Variants in RIMS1 observed in about 807,000 individuals in gnomAD.
The protein encoded by RIMS1 is regulating synaptic membrane exocytosis 1, also known as regulating synaptic membrane exocytosis protein 1.
Under a neutral mutation model 214.1 loss-of-function variants are expected in RIMS1, and 83 were observed. The observed-to-expected ratio is 0.39, with a 90% CI of 0.32 to 0.47. The LOEUF (loss-of-function observed/expected upper bound fraction) is 0.47. Among genes scored for constraint, RIMS1 ranks in the 20% least tolerant of loss-of-function variants. RIMS1 has a pLI of 0.99. For synonymous variants in RIMS1, 793 were observed against 786.8 expected (o/e 1.01, Z -0.13); for missense variants, 2,050 against 2,161.8 (o/e 0.95, Z 1.03).
chr6:72,333,502 A>G (rs986951542), intron 28 of RIMS1, 98 bp from the exon 29 acceptor site: 8 of 991,528 alleles, frequency 8.1e-6, no homozygotes, highest in Non-Finnish European at 1.1e-5. Flanking sequence ...CTCCCTAAAA[A>G]TGTGTCTGGA....
In RIMS1 at chr6:72,182,987, T is replaced by C. The variant is rs890931277; in HGVS notation, c.1516T>C (p.Ser506Pro). ...GAACGACTCTTTGAGCTCAGACCAG[T>C]CCGAGTCGGTGCGGCCGTCCCCGCC... is the stretch of plus-strand genomic sequence containing the variant. Reference protein sequence around the residue: ...LRNDSLSSDQSESVRPSPPKP... With the variant: ...LRNDSLSSDQPESVRPSPPKP... The change falls in exon 6 of 34, where the codon TCC becomes CCC. Residue 506 changes from serine to proline, a missense_variant. Physicochemically the swap from Ser to Pro is moderately conservative, Grantham distance 74 (BLOSUM62 -1). Coordinates refer to ENST00000521978, the MANE Select transcript of RIMS1 (RefSeq NM_014989.7). 1 of 1,593,442 alleles carries C rather than the reference T, an allele frequency of 6.3e-7. No homozygotes were observed. Among genetic ancestry groups the C allele is most frequent in the African/African-American group, 1.3e-5 (1 of 74,430 alleles).
At chr6:72,038,907 TGTACAATGATTGTTTTAA>T (rs1279780790) in intron 2 of RIMS1, among the ~76,000 whole-genome samples, 21 of 152,138 alleles carry the variant, frequency 1.4e-4, no homozygotes, top group African/African-American at 5.1e-4. Context: ...AGAGTCTTCT[TGTACAATGATTGTTTTAA>T]AGTATCTCCC....
intron 23 of RIMS1, among the ~76,000 whole-genome samples, chr6:72,280,057 A>G (rs2089280803): frequency 6.6e-6 from 1 of 151,852 alleles, no homozygotes; most frequent in Non-Finnish European, 1.5e-5. Context: ...TTTTAAATTT[A>G]TTTCATTTGA....
intron 1 of RIMS1, among the ~76,000 whole-genome samples, chr6:71,927,314 A>G (rs919612157): frequency 1.3e-5 from 2 of 152,108 alleles, no homozygotes; most frequent in African/African-American, 4.8e-5. Flanking sequence ...CTGATTCACA[A>G]TTTTCTTACT....
chr6:71,951,948 G>T (rs186457165), intron 1 of RIMS1, among the ~76,000 whole-genome samples: 1 of 152,180 alleles, frequency 6.6e-6, no homozygotes, highest in East Asian at 1.9e-4. Flanking sequence ...GTGAAAATTG[G>T]ACAATTGAAT....
Position 72,397,443 on chromosome 6 carries a change from A to G in RIMS1, c.4619-806A>G, listed in dbSNP as rs1053778703. Among the ~76,000 whole-genome samples the G allele has an allele frequency of 6.6e-5, 10 of 152,324 alleles. No individual in the cohort carries two copies. In the South Asian group the frequency reaches 1.9e-3, roughly 28 times the overall value. On this transcript the variant is annotated intron_variant, in intron 31 of 33. Coordinates refer to ENST00000521978, the MANE Select transcript of RIMS1 (RefSeq NM_014989.7). ...GATATTAGACATATTGCTAATACCA[A>G]TGTTAGAGTGTGGGAAGCAGGAAGA...
intron 2 of RIMS1, among the ~76,000 whole-genome samples, chr6:72,026,796 C>A (rs1816659058): frequency 6.6e-6 from 1 of 152,084 alleles, no homozygotes; most frequent in South Asian, 2.1e-4. Context: ...CTTGTATCAC[C>A]ATTTTATAAG....
chr6:72,207,778 A>C (rs72937888), intron 6 of RIMS1, among the ~76,000 whole-genome samples: 28,632 of 150,156 alleles, frequency 0.19, 3,186 homozygotes, highest in Non-Finnish European at 0.24. Context: ...AACAAACAAA[A>C]AAATTCTCCC....
chr6:71,896,865 A>G (rs1210474355), intron 1 of RIMS1, among the ~76,000 whole-genome samples: 1 of 152,032 alleles, frequency 6.6e-6, no homozygotes, highest in Non-Finnish European at 1.5e-5. Flanking sequence ...CTCCCATTTT[A>G]TATGCAGTTC....
intron 1 of RIMS1, among the ~76,000 whole-genome samples, chr6:71,916,741 C>T (rs749565514): frequency 4.6e-5 from 7 of 152,140 alleles, no homozygotes; most frequent in Non-Finnish European, 1.0e-4. Context: ...AGACTTGATT[C>T]ATAGGCAGAC....
chr6:71,953,827 G>T (rs1790376975), intron 1 of RIMS1, among the ~76,000 whole-genome samples: 1 of 152,176 alleles, frequency 6.6e-6, no homozygotes, highest in South Asian at 2.1e-4. Flanking sequence ...CCACTGAGTT[G>T]CAACAGCTCT....
intron 18 of RIMS1, among the ~76,000 whole-genome samples, chr6:72,260,141 A>G (rs2154158792): frequency 6.6e-6 from 1 of 152,240 alleles, no homozygotes; most frequent in South Asian, 2.1e-4. Context: ...GGGAAAACAC[A>G]GGGCTACTTG....
intron 29 of RIMS1, among the ~76,000 whole-genome samples, chr6:72,346,805 C>T (rs139021783): frequency 1.2e-4 from 18 of 151,846 alleles, no homozygotes; most frequent in African/African-American, 4.3e-4. Flanking sequence ...TATTGAAATA[C>T]AGCCATCTTC....
chr6:72,231,206 G>A (rs1277255107), intron 6 of RIMS1, among the ~76,000 whole-genome samples: 1 of 151,626 alleles, frequency 6.6e-6, no homozygotes, highest in Admixed American at 6.6e-5. Flanking sequence ...GTGCTTCAAA[G>A]TTCAGTAATA....
intron 29 of RIMS1, among the ~76,000 whole-genome samples, chr6:72,384,264 CCAAATACTACCTCT>C (rs1165039604): frequency 6.6e-6 from 1 of 152,146 alleles, no homozygotes; most frequent in African/African-American, 2.4e-5. Flanking sequence ...GTGTGACTTT[CCAAATACTACCTCT>C]CAATCACAAC....
chr6:72,068,590 C>G (rs1586188946), intron 2 of RIMS1, among the ~76,000 whole-genome samples: 2 of 152,098 alleles, frequency 1.3e-5, no homozygotes, highest in African/African-American at 4.8e-5. Context: ...GCAACAGTAT[C>G]ATCAATGATG....
intron 1 of RIMS1, among the ~76,000 whole-genome samples, chr6:71,889,985 A>G (rs1462297399): frequency 6.6e-6 from 1 of 152,222 alleles, no homozygotes; most frequent in East Asian, 1.9e-4. Context: ...TCCTTAAGCT[A>G]CCTACTGTGC....
rs1371340893 is a variant in RIMS1 at position 72,238,045 on chromosome 6, CAATT to C, written c.1957+126_1957+129del. ...TACATACATGTATGTATGTATATAT[CAATT>C]AAGTCACTAAATTTTAATGCACGAA... On this transcript the variant is annotated intron_variant, in intron 9 of 33. Coordinates refer to ENST00000521978, the MANE Select transcript of RIMS1 (RefSeq NM_014989.7). The C allele has an allele frequency of 4.2e-5, 20 of 473,424 alleles. 1 individual carries two copies. The highest frequency in any genetic ancestry group is 3.6e-4 in the African/African-American group (18 of 50,142). The allele number at this position is 473,424 out of a possible 1,614,324, so 29.3% of individuals were successfully genotyped here.
rs1316360037 is a variant in RIMS1, at chr6:72,333,693, G to A, written c.4224G>A (p.Leu1408=). 2.5e-6 allele frequency: 4 copies of A among 1,594,708 alleles called. No homozygotes were observed. Among genetic ancestry groups the A allele is most frequent in the Non-Finnish European group, 3.4e-6 (4 of 1,170,622 alleles). Residue 1408 remains leucine, a synonymous_variant, in exon 29 of 34, where the codon CTG becomes CTA. Coordinates refer to ENST00000521978, the MANE Select transcript of RIMS1 (RefSeq NM_014989.7). ...STSVSGEMYT[L]EHNDGSQSDT... is the part of the protein sequence containing the mutation. ...GTGTCAGTGGAGAGATGTACACACTGGAGCATAATGACGGCAGCCAGTCAG... is the reference window on the plus strand; with the variant it reads ...GTGTCAGTGGAGAGATGTACACACTAGAGCATAATGACGGCAGCCAGTCAG...
Sources: gnomAD v4.1 joint callset for allele counts (sites outside exome capture counted in the v4.1 genomes callset) on GRCh38, gnomAD v4.1.1 for gene constraint, MANE v1.5 for transcripts, NCBI Gene and HGNC (gene_info 2026-07-23, HGNC 2026-07-21) for gene names.